ZNF654: variants seen among roughly 807,000 people sequenced by gnomAD.
The protein encoded by ZNF654 is zinc finger protein 654, also known as melanoma-associated antigen.
In ZNF654, 19 loss-of-function variants were observed where a neutral mutation model predicts 95.3. The observed-to-expected ratio is 0.20, with a 90% confidence interval of 0.14 to 0.29. The LOEUF (loss-of-function observed/expected upper bound fraction) is 0.29, where lower values mean the gene tolerates loss of function less well. ZNF654 is among the 10% of genes least tolerant of loss of function. The pLI is 1.00. For missense variants in ZNF654, 1,046 were observed against 1,341.0 expected (o/e 0.78, Z 3.44); for synonymous variants, 413 against 457.9 (o/e 0.90, Z 1.25).
At chr3:88,097,141 C>T (rs979379649) in intron 2 of ZNF654, among the ~76,000 whole-genome samples, 14 of 152,038 alleles carry the variant, frequency 9.2e-5, no homozygotes, top group Admixed American at 8.5e-4. Context: ...CCATGTATGA[C>T]CGGAATATGT....
intron 7 of ZNF654, among the ~76,000 whole-genome samples, chr3:88,135,954 T>G (rs182487295): frequency 1.6e-4 from 24 of 152,162 alleles, no homozygotes; most frequent in African/African-American, 5.1e-4. Context: ...TTTATGCATT[T>G]ATTACATTCA....
chr3:88,120,678 G>A (rs990564742), intron 3 of ZNF654, among the ~76,000 whole-genome samples: 3 of 152,074 alleles, frequency 2.0e-5, no homozygotes, highest in Admixed American at 2.0e-4. Flanking sequence ...TACAGTTTGA[G>A]CACATATCCT....
intron 1 of ZNF654, among the ~76,000 whole-genome samples, chr3:88,063,383 G>C (rs1706998644): frequency 6.6e-6 from 1 of 152,174 alleles, no homozygotes; most frequent in Admixed American, 6.5e-5. Flanking sequence ...GCCAGGCACT[G>C]TAATAGGTGC....
rs1422308252 is a variant in ZNF654, at chr3:88,059,299, G to C, written c.-21G>C. ...GCGGCGGCGGCGCAGGGGCTGGTAC[G>C]CGCTGGGCGGCGAGAGCCTCATGGC... On this transcript the variant is annotated 5_prime_UTR_variant, in exon 1 of 9. Transcript: ENST00000636215. The C allele has an allele frequency of 1.3e-6, 2 of 1,532,938 alleles. No individual in the cohort carries two copies. Among genetic ancestry groups the C allele is most frequent in the South Asian group, 1.2e-5 (1 of 83,920 alleles). 95.0% of individuals were successfully genotyped at this position (1,532,938 alleles called of 1,614,324 possible).
chr3:88,134,973 AG>A, intron 6 of ZNF654, 87 bp from the exon 7 acceptor site: 1 of 933,104 alleles, frequency 1.1e-6, no homozygotes, highest in Non-Finnish European at 1.5e-6. Flanking sequence ...CATCCCAGCC[AG>A]GGCACTATAG....
Position 88,141,070 on chromosome 3 carries a change from T to C in ZNF654, c.3379+22T>C, listed in dbSNP as rs1184685703. Reference sequence around the variant, plus strand: ...GAAAGTAAGTCTTCTGTCTTCTTAGTAGAGGTATCTGTAGAAAGAGAAAAT... The same window carrying C: ...GAAAGTAAGTCTTCTGTCTTCTTAGCAGAGGTATCTGTAGAAAGAGAAAAT... On this transcript the variant is annotated intron_variant, in intron 8 of 8. Transcript: ENST00000636215. The C allele has an allele frequency of 5.1e-6, 8 of 1,553,640 alleles. No individual in the cohort carries two copies. In the Admixed American group the frequency reaches 1.6e-4, roughly 32 times the overall value.
chr3:88,096,066 C>CT (rs1448212040), intron 2 of ZNF654: 1 of 180,894 alleles, frequency 5.5e-6, no homozygotes, highest in Non-Finnish European at 1.1e-5. Context: ...GCCTCCCCTC[C>CT]TGGGTCTAGG....
At chr3:88,115,103 T>C (rs1160061243) in intron 3 of ZNF654, among the ~76,000 whole-genome samples, 5 of 152,206 alleles carry the variant, frequency 3.3e-5, no homozygotes, top group African/African-American at 9.7e-5. Context: ...CATATTTTAA[T>C]GTACATAAAG....
chr3:88,089,757 T>G (rs1393421393), intron 2 of ZNF654, among the ~76,000 whole-genome samples: 1 of 152,208 alleles, frequency 6.6e-6, no homozygotes, highest in Non-Finnish European at 1.5e-5. Flanking sequence ...TGAGAAGAAC[T>G]CTGGTCAGAC....
At chr3:88,060,374 T>C (rs1350312994) in intron 1 of ZNF654, among the ~76,000 whole-genome samples, 2 of 152,180 alleles carry the variant, frequency 1.3e-5, no homozygotes, top group Non-Finnish European at 2.9e-5. Flanking sequence ...ATACCCCTAC[T>C]TTTTTAGGGG....
At chr3:88,105,898 G>A (rs1241063075) in intron 2 of ZNF654, among the ~76,000 whole-genome samples, 1 of 152,170 alleles carries the variant, frequency 6.6e-6, no homozygotes, top group East Asian at 1.9e-4. Context: ...GGCCATGAGG[G>A]CCTGCCCTCA....
chr3:88,123,325 A>C (rs1376429538), intron 3 of ZNF654, among the ~76,000 whole-genome samples: 2 of 152,204 alleles, frequency 1.3e-5, no homozygotes, highest in African/African-American at 4.8e-5. Flanking sequence ...TGACCCACGA[A>C]GTGTACATAC....
chr3:88,092,300 G>T (rs1009292045), intron 2 of ZNF654, among the ~76,000 whole-genome samples: 1 of 152,036 alleles, frequency 6.6e-6, no homozygotes, highest in Admixed American at 6.6e-5. Context: ...TGCTTCTAGG[G>T]ATAAAATAGA....
intron 6 of ZNF654, among the ~76,000 whole-genome samples, chr3:88,132,788 A>T (rs1416066236): frequency 1.3e-5 from 2 of 152,240 alleles, no homozygotes; most frequent in African/African-American, 4.8e-5. Context: ...GAATAATCCC[A>T]ACCTTTATGT....
intron 2 of ZNF654, among the ~76,000 whole-genome samples, chr3:88,100,849 T>C (rs1338906554): frequency 6.6e-6 from 1 of 152,168 alleles, no homozygotes; most frequent in South Asian, 2.1e-4. Context: ...TCAGGAGATA[T>C]ACCTAATGTA....
chr3:88,063,956 C>T (rs138257771), intron 1 of ZNF654, among the ~76,000 whole-genome samples: 6 of 152,138 alleles, frequency 3.9e-5, no homozygotes, highest in Admixed American at 3.9e-4. Context: ...CTAAATCCTA[C>T]TTAATGACCC....
At chr3:88,087,587 A>G (rs548813058) in intron 2 of ZNF654, among the ~76,000 whole-genome samples, 3 of 152,330 alleles carry the variant, frequency 2.0e-5, no homozygotes, top group African/African-American at 7.2e-5. Context: ...AGATAGAGGA[A>G]TGGTCATTGC....
chr3:88,141,167 A>ATT, intron 8 of ZNF654, 119 bp downstream of exon 8: 2 of 1,137,298 alleles, frequency 1.8e-6, no homozygotes, highest in Non-Finnish European at 2.4e-6. Context: ...GTAGTGAAGC[A>ATT]TTACTCCATA....
Position 88,129,687 on chromosome 3 carries a change from C to T in ZNF654, c.754C>T (p.His252Tyr). ...SPVEDQLFREHLLKTDCKSGI... is the reference protein window; with the variant it reads ...SPVEDQLFREYLLKTDCKSGI... The stretch of plus-strand genomic sequence containing the variant: ...ACTGATTTCTCTTTTCCTCTTACAG[C>T]ATTTATTGAAAACTGATTGTAAGAG... Residue 252 changes from histidine to tyrosine, a missense_variant and splice_region_variant, in exon 6 of 9, where the codon CAT (histidine) becomes TAT (tyrosine). Coordinates refer to ENST00000636215, the MANE Select transcript of ZNF654 (RefSeq NM_001350134.2). The T allele has an allele frequency of 6.8e-7, 1 of 1,469,424 alleles. No homozygotes were observed. Among genetic ancestry groups the T allele is most frequent in the South Asian group, 1.3e-5 (1 of 75,160 alleles). The allele number at this position is 1,469,424 out of a possible 1,614,324, so 91.0% of individuals were successfully genotyped here. A position where few individuals can be genotyped will look rare whatever the true frequency, so the allele number is the denominator to read the frequency against.
Sources: gnomAD v4.1 joint callset for allele counts (sites outside exome capture counted in the v4.1 genomes callset) on GRCh38, gnomAD v4.1.1 for gene constraint, MANE v1.5 for transcripts, NCBI Gene and HGNC (gene_info 2026-07-23, HGNC 2026-07-21) for gene names.